Variants in LOC400499 observed in about 807,000 individuals in gnomAD.
the LOC400499 span, chr16:11,443,442 T>C: frequency 2.9e-6 from 1 of 349,774 alleles, no homozygotes; most frequent in Non-Finnish European, 5.3e-6. Context: ...GACTCCAGCC[T>C]AGACAACAGA....
the LOC400499 span, among the ~76,000 whole-genome samples, chr16:11,453,323 T>C: frequency 5.3e-5 from 8 of 152,152 alleles, no homozygotes; most frequent in African/African-American, 1.9e-4. Context: ...ATAATTACCC[T>C]GTTTGAAAAC....
chr16:11,424,381 C>T, the LOC400499 span: 2 of 399,206 alleles, frequency 5.0e-6, no homozygotes, highest in Non-Finnish European at 8.8e-6. Flanking sequence ...GTGGGCAGAG[C>T]CCCAGAGACC....
At chr16:11,415,844 C>A in the LOC400499 span, among the ~76,000 whole-genome samples, 1 of 152,140 alleles carries the variant, frequency 6.6e-6, no homozygotes, top group East Asian at 1.9e-4. Flanking sequence ...ATGTCCCTAA[C>A]AAACCCTGAG....
chr16:11,402,334 G>A, the LOC400499 span: 1 of 395,064 alleles, frequency 2.5e-6, no homozygotes, highest in Non-Finnish European at 4.5e-6. Flanking sequence ...CACTCGCTTT[G>A]TCACCATTAC....
the LOC400499 span, among the ~76,000 whole-genome samples, chr16:11,454,674 A>C: frequency 1.3e-5 from 2 of 152,274 alleles, no homozygotes; most frequent in Non-Finnish European, 2.9e-5. Context: ...TACAGCCTTC[A>C]GAACTGTGAA....
the LOC400499 span, among the ~76,000 whole-genome samples, chr16:11,476,587 G>A: frequency 6.6e-6 from 1 of 152,050 alleles, no homozygotes; most frequent in Non-Finnish European, 1.5e-5. Flanking sequence ...AGGCTCATGG[G>A]TGCACACACT....
chr16:11,385,146 C>G, the LOC400499 span: 3 of 1,230,508 alleles, frequency 2.4e-6, no homozygotes, highest in African/African-American at 1.6e-5. Flanking sequence ...CCCAGGCGAC[C>G]TGCCATGGGC....
the LOC400499 span, among the ~76,000 whole-genome samples, chr16:11,476,260 G>A: frequency 6.6e-5 from 10 of 152,080 alleles, no homozygotes; most frequent in African/African-American, 2.4e-4. Flanking sequence ...AATATGGGTA[G>A]GTGGGGCAGC....
the LOC400499 span, among the ~76,000 whole-genome samples, chr16:11,453,832 C>T: frequency 2.6e-5 from 4 of 151,862 alleles, no homozygotes; most frequent in East Asian, 1.9e-4. Flanking sequence ...AAAAGAAAAA[C>T]GAGTTTGAAA....
chr16:11,451,637 A>G, the LOC400499 span, among the ~76,000 whole-genome samples: 1 of 152,120 alleles, frequency 6.6e-6, no homozygotes, highest in East Asian at 1.9e-4. Flanking sequence ...AAAAACAATA[A>G]AGAAGGAATT....
chr16:11,450,535 C>T, the LOC400499 span: 1 of 1,443,356 alleles, frequency 6.9e-7, no homozygotes, highest in African/African-American at 1.4e-5. Context: ...CCTCAGCTTT[C>T]ATCCGCCTCT....
At chr16:11,487,281 C>T in the LOC400499 span, 6 of 398,876 alleles carry the variant, frequency 1.5e-5, no homozygotes, top group African/African-American at 6.2e-5. Context: ...GTTGAAGGCA[C>T]GGCCCATGGT....
At chr16:11,491,643 G>T in the LOC400499 span, 81 of 372,238 alleles carry the variant, frequency 2.2e-4, no homozygotes, top group African/African-American at 1.5e-3. Context: ...TCTTCAGGAG[G>T]TGCCCTCCCA....
the LOC400499 span, among the ~76,000 whole-genome samples, chr16:11,503,924 GCTTC>G: frequency 7.2e-5 from 11 of 152,208 alleles, no homozygotes; most frequent in African/African-American, 2.4e-4. Flanking sequence ...TTCCAGGCCT[GCTTC>G]CTTCCTTCCT....
chr16:11,477,560 T>G, the LOC400499 span, among the ~76,000 whole-genome samples: 4 of 152,204 alleles, frequency 2.6e-5, no homozygotes, highest in Non-Finnish European at 5.9e-5. Context: ...GTGGGGTGGA[T>G]GGAAGGGCAT....
chr16:11,382,830 A>C, the LOC400499 span, among the ~76,000 whole-genome samples: 1 of 152,186 alleles, frequency 6.6e-6, no homozygotes, highest in Non-Finnish European at 1.5e-5. Context: ...ACCTAATGGC[A>C]AATTTTCAAG....
chr16:11,484,891 G>C, the LOC400499 span: 3 of 399,108 alleles, frequency 7.5e-6, no homozygotes, highest in Non-Finnish European at 1.3e-5. Flanking sequence ...TCTGCTGTAG[G>C]TATCTCATCC....
the LOC400499 span, among the ~76,000 whole-genome samples, chr16:11,497,112 G>C: frequency 2.0e-5 from 3 of 152,190 alleles, no homozygotes; most frequent in African/African-American, 4.8e-5. Context: ...GTGTGAGCCT[G>C]TGTCAGTGTA....
the LOC400499 span, chr16:11,372,837 C>A: frequency 9.9e-6 from 4 of 403,524 alleles, no homozygotes; most frequent in African/African-American, 2.2e-5. Flanking sequence ...CCCTGGCCTT[C>A]ATTATTAAAA....
Sources: allele counts gnomAD v4.1 joint callset (sites outside exome capture counted in the v4.1 genomes callset), GRCh38; gene constraint gnomAD v4.1.1; transcripts MANE v1.5.